Variants in ADAMTS2 observed in about 807,000 individuals in gnomAD.
The protein encoded by ADAMTS2 is ADAM metallopeptidase with thrombospondin type 1 motif 2, also known as A disintegrin and metalloproteinase with thrombospondin motifs 2.
In ADAMTS2, 50 loss-of-function variants were observed where a neutral mutation model predicts 123.0. The ratio of observed to expected loss-of-function variants is 0.41; its 90% CI spans 0.32 to 0.51. ADAMTS2 has a LOEUF of 0.51. Ranked by LOEUF, ADAMTS2 falls within the 20% of genes least tolerant of loss-of-function variation. ADAMTS2 has a pLI of 0.35. For synonymous variants in ADAMTS2, 678 were observed against 695.4 expected (o/e 0.98, Z 0.39); for missense variants, 1,494 against 1,705.2 (o/e 0.88, Z 2.18).
At chr5:179,190,305 G>A (rs539377733) in intron 4 of ADAMTS2, among the ~76,000 whole-genome samples, 1 of 152,192 alleles carries the variant, frequency 6.6e-6, no homozygotes, top group African/African-American at 2.4e-5. Flanking sequence ...CCTAGAGTGG[G>A]AGAGATTAAG....
chr5:179,307,772 T>C lies in ADAMTS2; in HGVS notation c.535-34708A>G, dbSNP rs1158787107. ...GCTGCCTCCACCTGGAATGGCCTTC[T>C]TCCAGAAGTCCAGGTCCTAGCTCCG... On this transcript the variant is annotated intron_variant, in intron 2 of 21. Coordinates refer to ENST00000251582, the MANE Select transcript of ADAMTS2 (RefSeq NM_014244.5). This position sits in a 1 kb window ranked among gnomAD's most constrained non-coding sequence, Gnocchi z 5.6. 2.0e-5 allele frequency among the ~76,000 whole-genome samples: 3 copies of C among 152,192 alleles called. No homozygotes were observed. The highest frequency in any genetic ancestry group is 4.1e-4 in the South Asian group (2 of 4,822).
chr5:179,130,486 A>G lies in ADAMTS2; in HGVS notation c.2291-388T>C, dbSNP rs371345743. Reference sequence around the variant, plus strand: ...ACGCGGTGCAGGGCATCTGCTGGACAGGCGAGCACATGACCCTGCTGGAGT... The same window carrying G: ...ACGCGGTGCAGGGCATCTGCTGGACGGGCGAGCACATGACCCTGCTGGAGT... On this transcript the variant is annotated intron_variant, in intron 15 of 21. Coordinates refer to ENST00000251582, the MANE Select transcript of ADAMTS2 (RefSeq NM_014244.5). The surrounding 1 kb of genome is among the most constrained non-coding windows in gnomAD (Gnocchi z 4.3). Among the ~76,000 whole-genome samples the G allele has an allele frequency of 6.6e-5, 10 of 152,220 alleles. No homozygotes were observed. Among genetic ancestry groups the G allele is most frequent in the African/African-American group, 2.2e-4 (9 of 41,460 alleles).
At chr5:179,223,168 C>T (rs1012462410) in intron 3 of ADAMTS2, among the ~76,000 whole-genome samples, 1 of 152,240 alleles carries the variant, frequency 6.6e-6, no homozygotes, top group African/African-American at 2.4e-5. Flanking sequence ...TAGGAGAGCG[C>T]TCTGGGGTGT....
At chr5:179,166,518 G>A (rs532070362) in intron 5 of ADAMTS2, among the ~76,000 whole-genome samples, 20 of 152,268 alleles carry the variant, frequency 1.3e-4, no homozygotes, top group African/African-American at 4.8e-4. Flanking sequence ...TGAACCTCAG[G>A]CCCAGCCTGC....
rs984026895 is a variant in ADAMTS2, at chr5:179,228,345, G to A, written c.689-20630C>T. 6.6e-6 allele frequency among the ~76,000 whole-genome samples: 1 copy of A among 152,244 alleles called. No individual in the cohort carries two copies. The highest frequency in any genetic ancestry group is 2.4e-5 in the African/African-American group (1 of 41,470). The stretch of plus-strand genomic sequence containing the variant: ...CAGGAACGGGCCAGGTGCACGGACA[G>A]GGCTGTTCCTGACTCAGCTCACTCC... On this transcript the variant is annotated intron_variant, in intron 3 of 21. Transcript: ENST00000251582. This position sits in a 1 kb window ranked among gnomAD's most constrained non-coding sequence, Gnocchi z 5.2.
intron 2 of ADAMTS2, among the ~76,000 whole-genome samples, chr5:179,280,961 G>A (rs1050669162): frequency 7.2e-5 from 11 of 152,104 alleles, no homozygotes; most frequent in South Asian, 2.1e-4. Context: ...ATTTTTAAGC[G>A]ATTCTCCTGC....
chr5:179,124,836 G>T, intron 19 of ADAMTS2, 137 bp downstream of exon 19: 1 of 1,600,522 alleles, frequency 6.2e-7, no homozygotes. Context: ...CTCAGGCCGG[G>T]CGTCATTGCA....
At chr5:179,141,675 T>C (rs1290760851) in intron 10 of ADAMTS2, among the ~76,000 whole-genome samples, 4 of 152,148 alleles carry the variant, frequency 2.6e-5, no homozygotes, top group African/African-American at 9.7e-5. Context: ...ACAGAAGCTT[T>C]ACTGCCAAGA....
intron 4 of ADAMTS2, among the ~76,000 whole-genome samples, chr5:179,206,700 G>A (rs892997808): frequency 2.6e-5 from 4 of 152,184 alleles, no homozygotes; most frequent in Admixed American, 6.5e-5. Context: ...AAGACTGGAC[G>A]CCCCTCATCC....
At chr5:179,257,596 C>T (rs1460130554) in intron 3 of ADAMTS2, among the ~76,000 whole-genome samples, 3 of 152,244 alleles carry the variant, frequency 2.0e-5, no homozygotes, top group African/African-American at 7.2e-5. Flanking sequence ...TACAGATGGG[C>T]TTCATCGCTG....
intron 2 of ADAMTS2, among the ~76,000 whole-genome samples, chr5:179,335,846 G>A (rs749331742): frequency 1.3e-5 from 2 of 152,158 alleles, no homozygotes; most frequent in Non-Finnish European, 2.9e-5. Flanking sequence ...GCAAGGTAAC[G>A]GGAAGGGCTG....
At chr5:179,139,444 C>T (rs1281232080) in intron 11 of ADAMTS2, among the ~76,000 whole-genome samples, 6 of 151,996 alleles carry the variant, frequency 3.9e-5, no homozygotes, top group African/African-American at 9.7e-5. Flanking sequence ...TGGCATGGGC[C>T]GGCTCTACAG....
intron 9 of ADAMTS2, 98 bp downstream of exon 9, chr5:179,153,393 C>T: frequency 7.6e-6 from 12 of 1,570,048 alleles, no homozygotes; most frequent in Non-Finnish European, 8.6e-6. Context: ...GCCCTCCCCA[C>T]ACTGGGCCGG....
At chr5:179,187,533 T>G (rs1355922335) in intron 4 of ADAMTS2, among the ~76,000 whole-genome samples, 1 of 152,190 alleles carries the variant, frequency 6.6e-6, no homozygotes, top group African/African-American at 2.4e-5. Context: ...GGGCAAAATG[T>G]ATGACCCAGC....
At chr5:179,204,269 G>C (rs569794271) in intron 4 of ADAMTS2, among the ~76,000 whole-genome samples, 1 of 152,178 alleles carries the variant, frequency 6.6e-6, no homozygotes, top group African/African-American at 2.4e-5. Flanking sequence ...CGGTGGTGGC[G>C]ATGGTGGCCC....
rs189706795 is a variant in ADAMTS2, at chr5:179,138,589, G to A, written c.1776-645C>T. The stretch of plus-strand genomic sequence containing the variant: ...TCTAAATGCCCAGCAATCTCTTTCC[G>A]AGTCTGGCGTAAAAGCCCCAGGGGT... On this transcript the variant is annotated intron_variant, in intron 11 of 21. Transcript: ENST00000251582. 3.3e-5 allele frequency among the ~76,000 whole-genome samples: 5 copies of A among 152,348 alleles called. No individual in the cohort carries two copies. In the East Asian group the frequency reaches 7.7e-4, roughly 24 times the overall value.
chr5:179,129,790 G>T lies in ADAMTS2; in HGVS notation c.2457+142C>A. 1.8e-6 allele frequency: 2 copies of T among 1,116,534 alleles called. No homozygotes were observed. The highest frequency in any genetic ancestry group is 2.5e-6 in the Non-Finnish European group (2 of 785,356). The allele number at this position is 1,116,534 out of a possible 1,614,324, so 69.2% of individuals were successfully genotyped here. On this transcript the variant is annotated intron_variant, in intron 16 of 21. Coordinates refer to ENST00000251582, the MANE Select transcript of ADAMTS2 (RefSeq NM_014244.5). This position sits in a 1 kb window ranked among gnomAD's most constrained non-coding sequence, Gnocchi z 4.1. ...CCTTCCTGGCTCTGACCAAGTCGGA[G>T]CCCCTTGGTGCCAAAGGCAGGCCAA... is the stretch of plus-strand genomic sequence containing the variant.
chr5:179,154,373 G>C (rs938552193), intron 7 of ADAMTS2, among the ~76,000 whole-genome samples, 181 bp from the exon 8 acceptor site: 2 of 152,212 alleles, frequency 1.3e-5, no homozygotes, highest in Non-Finnish European at 2.9e-5. Context: ...GCACTCTGGG[G>C]AGACAGTGTC....
chr5:179,314,915 T>C lies in ADAMTS2; in HGVS notation c.534+28852A>G, dbSNP rs990704092. Among the ~76,000 whole-genome samples, 5 of 151,890 alleles carry C rather than the reference T, an allele frequency of 3.3e-5. No homozygotes were observed. The highest frequency in any genetic ancestry group is 7.4e-5 in the Non-Finnish European group (5 of 67,940). On this transcript the variant is annotated intron_variant, in intron 2 of 21. Transcript: ENST00000251582. This position sits in a 1 kb window ranked among gnomAD's most constrained non-coding sequence, Gnocchi z 4.5. ...CTCAAGCCCAGGGCCTACCTAGAAG[T>C]AACTCTCTTTCCTGACATTAAGCGA...
Sources: gnomAD v4.1 joint callset for allele counts (sites outside exome capture counted in the v4.1 genomes callset) on GRCh38, gnomAD v4.1.1 for gene constraint, Gnocchi (gnomAD v3.1) non-coding constraint, MANE v1.5 for transcripts, NCBI Gene and HGNC (gene_info 2026-07-23, HGNC 2026-07-21) for gene names.